Variants in GALNT13 observed in about 807,000 individuals in gnomAD.
GALNT13 encodes UDP-GalNAc:polypeptide N-acetylgalactosaminyltransferase 13.
A neutral mutation model predicts 64.2 loss-of-function variants in GALNT13; 28 were observed. That is an observed-to-expected ratio of 0.44 (90% CI 0.32 to 0.60). The LOEUF (loss-of-function observed/expected upper bound fraction) is 0.60, where lower values mean the gene tolerates loss of function less well. Ranked by LOEUF, GALNT13 falls within the 20% of genes least tolerant of loss-of-function variation. The pLI, the probability that GALNT13 is intolerant of heterozygous loss-of-function variation, is 0.05. For missense variants in GALNT13, 577 were observed against 669.8 expected, an observed-to-expected ratio of 0.86 and a Z score of 1.53; for synonymous variants, 214 against 224.6, an observed-to-expected ratio of 0.95 and a Z score of 0.42.
At chr2:153,474,005 T>C in the GALNT13 span, among the ~76,000 whole-genome samples, 1 of 152,214 alleles carries the variant, frequency 6.6e-6, no homozygotes, top group Non-Finnish European at 1.5e-5. Flanking sequence ...GGTGAGATCA[T>C]GCGTAATCGA....
chr2:153,881,665 G>T (rs902040772), intron 1 of GALNT13, among the ~76,000 whole-genome samples: 2 of 152,140 alleles, frequency 1.3e-5, no homozygotes, highest in East Asian at 1.9e-4. Context: ...CATTCCTTTT[G>T]TAAGGAAAAC....
the GALNT13 span, among the ~76,000 whole-genome samples, chr2:153,824,411 G>T: frequency 6.6e-6 from 1 of 152,174 alleles, no homozygotes; most frequent in African/African-American, 2.4e-5. Flanking sequence ...TTACCAAAAA[G>T]ACAAATGCAC....
the GALNT13 span, among the ~76,000 whole-genome samples, chr2:153,733,665 C>T: frequency 4.3e-3 from 651 of 152,186 alleles, 4 homozygotes; most frequent in African/African-American, 0.014. Flanking sequence ...GCTTCCTCTC[C>T]GTGTAAGGCA....
At chr2:154,440,455 G>GA (rs34130337) in intron 12 of GALNT13, among the ~76,000 whole-genome samples, 337 of 146,662 alleles carry the variant, frequency 2.3e-3, no homozygotes, top group African/African-American at 7.7e-3. Context: ...AGTAAAAAGT[G>GA]AAAAAAAAAA....
chr2:153,808,928 C>T, the GALNT13 span, among the ~76,000 whole-genome samples: 3 of 152,210 alleles, frequency 2.0e-5, no homozygotes, highest in Non-Finnish European at 4.4e-5. Flanking sequence ...TGTGCATACA[C>T]CTGAATATCT....
chr2:154,394,433 G>A (rs562070435), intron 9 of GALNT13, among the ~76,000 whole-genome samples: 1 of 152,242 alleles, frequency 6.6e-6, no homozygotes, highest in Admixed American at 6.5e-5. Context: ...GAAAAAGGGA[G>A]GATGTTGATA....
the GALNT13 span, among the ~76,000 whole-genome samples, chr2:153,091,889 G>A: frequency 6.6e-6 from 1 of 152,174 alleles, no homozygotes; most frequent in Admixed American, 6.5e-5. Flanking sequence ...ATGTGCACTT[G>A]TGGGGTATTG....
chr2:154,414,805 G>A (rs924183201), intron 11 of GALNT13, among the ~76,000 whole-genome samples: 2 of 151,442 alleles, frequency 1.3e-5, no homozygotes, highest in African/African-American at 2.4e-5. Flanking sequence ...TTTATATACA[G>A]ACTTTTCAAG....
At chr2:153,205,864 C>G in the GALNT13 span, among the ~76,000 whole-genome samples, 8 of 152,014 alleles carry the variant, frequency 5.3e-5, no homozygotes, top group Non-Finnish European at 1.2e-4. Context: ...ACTAAATTTA[C>G]ACATGCCAGA....
At chr2:153,707,032 T>C in the GALNT13 span, among the ~76,000 whole-genome samples, 1 of 152,170 alleles carries the variant, frequency 6.6e-6, no homozygotes, top group East Asian at 1.9e-4. Flanking sequence ...CTGATGGTTT[T>C]AGAAAGAGGA....
At chr2:153,450,930 T>C in the GALNT13 span, among the ~76,000 whole-genome samples, 4 of 152,196 alleles carry the variant, frequency 2.6e-5, no homozygotes, top group Admixed American at 2.0e-4. Context: ...ATATTTTAGT[T>C]AGGACCTATC....
chr2:153,944,481 A>G lies in GALNT13; in HGVS notation c.-17A>G. On this transcript the variant is annotated 5_prime_UTR_variant, in exon 3 of 13. It removes the in-frame stop codon of an upstream open reading frame in the 5' UTR. Coordinates refer to ENST00000392825, the MANE Select transcript of GALNT13 (RefSeq NM_052917.4). Reference sequence around the variant, plus strand: ...TTTGTCTTCAATCTGTGTGTTAACTAGAAATCAAGGAAAGACATGAGGAGA... The same window carrying G: ...TTTGTCTTCAATCTGTGTGTTAACTGGAAATCAAGGAAAGACATGAGGAGA... 3.7e-6 allele frequency: 6 copies of G among 1,610,230 alleles called. No homozygotes were observed. The highest frequency in any genetic ancestry group is 1.3e-5 in the African/African-American group (1 of 74,968).
the GALNT13 span, among the ~76,000 whole-genome samples, chr2:153,370,364 AC>A: frequency 6.6e-6 from 1 of 152,148 alleles, no homozygotes; most frequent in South Asian, 2.1e-4. Context: ...AAAAGCTATT[AC>A]AAGAAAATTA....
intron 12 of GALNT13, among the ~76,000 whole-genome samples, chr2:154,440,086 G>C (rs1445061485): frequency 1.3e-5 from 2 of 152,124 alleles, no homozygotes; most frequent in Non-Finnish European, 2.9e-5. Context: ...AAAATGTACA[G>C]ATATAGTAGA....
chr2:153,547,237 T>C, the GALNT13 span, among the ~76,000 whole-genome samples: 1 of 152,250 alleles, frequency 6.6e-6, no homozygotes, highest in Non-Finnish European at 1.5e-5. Flanking sequence ...GTTTCCAGAC[T>C]ATTGTTTTCT....
chr2:153,117,259 A>C, the GALNT13 span, among the ~76,000 whole-genome samples: 1 of 152,188 alleles, frequency 6.6e-6, no homozygotes, highest in Admixed American at 6.5e-5. Context: ...TTATAAGGTA[A>C]GAAAGGAGAA....
intron 2 of GALNT13, among the ~76,000 whole-genome samples, chr2:153,910,307 T>C (rs934610946): frequency 3.3e-5 from 5 of 152,128 alleles, no homozygotes; most frequent in African/African-American, 9.6e-5. Flanking sequence ...CATTTCTGAT[T>C]GTGTTTATCT....
rs528851949 is a variant in GALNT13 at position 154,067,901 on chromosome 2, A to G, written c.143-72436A>G. 2.7e-5 allele frequency among the ~76,000 whole-genome samples: 4 copies of G among 150,704 alleles called. No individual in the cohort carries two copies. The South Asian group carries it at 8.5e-4, about 32-fold the overall frequency. ...CAAGTTAAAATCTTCTGCACAGCAA[A>G]GAAGATAATCAACAAAGTGGGAAGA... On this transcript the variant is annotated intron_variant, in intron 3 of 12. Coordinates refer to ENST00000392825, the MANE Select transcript of GALNT13 (RefSeq NM_052917.4).
the GALNT13 span, among the ~76,000 whole-genome samples, chr2:153,862,771 G>A: frequency 1.3e-5 from 2 of 151,630 alleles, no homozygotes; most frequent in Non-Finnish European, 2.9e-5. Flanking sequence ...TAATTACTAC[G>A]TACATCTGAA....
Sources: allele counts gnomAD v4.1 joint callset (sites outside exome capture counted in the v4.1 genomes callset), GRCh38; gene constraint gnomAD v4.1.1; transcripts MANE v1.5; gene names NCBI Gene and HGNC (gene_info 2026-07-23, HGNC 2026-07-21).